Variants in SPHKAP observed in about 807,000 individuals in gnomAD.
SPHKAP encodes SPHK1 interactor, AKAP domain containing, also known as A-kinase anchor protein SPHKAP.
SPHKAP carries 67 observed loss-of-function variants against 137.5 expected under a neutral mutation model. The ratio of observed to expected loss-of-function variants is 0.49; its 90% CI spans 0.40 to 0.60. The LOEUF (loss-of-function observed/expected upper bound fraction) is 0.60. SPHKAP is among the 20% of genes least tolerant of loss of function. The pLI, the probability that SPHKAP is intolerant of heterozygous loss-of-function variation, is 0.00. For synonymous variants in SPHKAP, 813 were observed against 785.3 expected, an observed-to-expected ratio of 1.04 and a Z score of -0.59; for missense variants, 2,097 against 2,069.3, an observed-to-expected ratio of 1.01 and a Z score of -0.26.
chr2:228,170,749 T>C (rs1035722292), intron 1 of SPHKAP, among the ~76,000 whole-genome samples: 3 of 152,070 alleles, frequency 2.0e-5, no homozygotes, highest in Admixed American at 6.6e-5. Flanking sequence ...ACCAAAAAAA[T>C]TTTGTGCCTT....
At position 228,011,099 on chromosome 2, in the gene SPHKAP, C is replaced by G. The variant is rs1314892819; in HGVS notation, c.4448+5307G>C. 2.0e-5 allele frequency among the ~76,000 whole-genome samples: 3 copies of G among 152,220 alleles called. No individual in the cohort carries two copies. In the East Asian group the frequency reaches 5.8e-4, roughly 29 times the overall value. On this transcript the variant is annotated intron_variant, in intron 7 of 11. Transcript: ENST00000392056. The stretch of plus-strand genomic sequence containing the variant: ...AGATTGCTTTAAGGTAACTTACCAG[C>G]TTGGGATTTCCTGGACCACAAGTAT...
intron 7 of SPHKAP, among the ~76,000 whole-genome samples, chr2:228,001,608 T>G (rs1045128765): frequency 6.7e-6 from 1 of 150,180 alleles, no homozygotes; most frequent in Non-Finnish European, 1.5e-5. Context: ...CTAGGGTACA[T>G]GTGCACAATG....
chr2:228,174,098 T>C (rs1574919967), intron 1 of SPHKAP, among the ~76,000 whole-genome samples: 1 of 152,194 alleles, frequency 6.6e-6, no homozygotes, highest in East Asian at 1.9e-4. Flanking sequence ...ACAAACTTTC[T>C]AATTCACATG....
chr2:228,138,246 T>C (rs1394428955), intron 1 of SPHKAP, among the ~76,000 whole-genome samples: 1 of 152,180 alleles, frequency 6.6e-6, no homozygotes, highest in African/African-American at 2.4e-5. Flanking sequence ...TCTTAGTAAT[T>C]TTCTGTTCAC....
chr2:228,149,481 G>A (rs13408691), intron 1 of SPHKAP, among the ~76,000 whole-genome samples: 1 of 152,234 alleles, frequency 6.6e-6, no homozygotes, highest in East Asian at 1.9e-4. Flanking sequence ...GAATGAGAAT[G>A]CTGGAGAAGA....
At chr2:228,137,941 C>T (rs6734954) in intron 1 of SPHKAP, among the ~76,000 whole-genome samples, 1,626 of 152,262 alleles carry the variant, frequency 0.011, 25 homozygotes, top group African/African-American at 0.037. Flanking sequence ...TTAAACATCA[C>T]GTGAGATGTT....
Position 228,019,536 on chromosome 2 carries a change from C to T in SPHKAP, c.1318G>A (p.Val440Ile). 6.2e-7 allele frequency: 1 copy of T among 1,614,176 alleles called. No homozygotes were observed. The highest frequency in any genetic ancestry group is 1.1e-5 in the South Asian group (1 of 91,078). ...GGGAGCTCATTCCATGACCGAGAAA[C>T]CACTGTATCTTTTGTGGAATAGCAA... ...PSCYSTKDTV[V>I]SRSWNELPKI... The change falls in exon 7 of 12, where the codon GTT (valine) becomes ATT (isoleucine). Residue 440 changes from valine (V) to isoleucine (I), a missense_variant. Val to Ile is a conservative substitution (Grantham distance 29). Transcript: ENST00000392056.
chr2:228,171,111 G>A (rs1017173534), intron 1 of SPHKAP, among the ~76,000 whole-genome samples: 5 of 152,090 alleles, frequency 3.3e-5, no homozygotes, highest in African/African-American at 9.7e-5. Context: ...AGTAAAGAAG[G>A]TATTTAGACG....
chr2:227,991,897 T>A (rs930449206), intron 9 of SPHKAP: 8 of 226,692 alleles, frequency 3.5e-5, no homozygotes, highest in South Asian at 1.6e-4. Context: ...ACAATTAAAG[T>A]TTTTCTTTTT....
At chr2:228,159,177 T>C (rs1700199967) in intron 1 of SPHKAP, among the ~76,000 whole-genome samples, 1 of 152,076 alleles carries the variant, frequency 6.6e-6, no homozygotes, top group South Asian at 2.1e-4. Context: ...CTAAATATGG[T>C]GTGAAGGCAA....
At chr2:228,063,479 G>A (rs1362690623) in intron 3 of SPHKAP, among the ~76,000 whole-genome samples, 2 of 152,178 alleles carry the variant, frequency 1.3e-5, no homozygotes, top group Non-Finnish European at 2.9e-5. Context: ...AAACTATAGA[G>A]TGGCTACATT....
chr2:228,143,202 CA>C (rs1265525903), intron 1 of SPHKAP, among the ~76,000 whole-genome samples: 2 of 152,030 alleles, frequency 1.3e-5, no homozygotes, highest in Non-Finnish European at 2.9e-5. Flanking sequence ...CAGTTGGGTG[CA>C]AAATATTACA....
intron 3 of SPHKAP, among the ~76,000 whole-genome samples, chr2:228,077,440 A>G (rs887038881): frequency 2.6e-5 from 4 of 152,222 alleles, no homozygotes; most frequent in Non-Finnish European, 5.9e-5. Flanking sequence ...AGACCATAGG[A>G]ACCCACCTCT....
intron 7 of SPHKAP, among the ~76,000 whole-genome samples, chr2:228,000,208 G>A (rs1175146635): frequency 3.3e-5 from 5 of 152,212 alleles, no homozygotes; most frequent in South Asian, 2.1e-4. Context: ...GGCCAGGAGC[G>A]GTGGCTCACG....
At chr2:228,101,829 C>A (rs753821123) in intron 3 of SPHKAP, among the ~76,000 whole-genome samples, 1 of 152,184 alleles carries the variant, frequency 6.6e-6, no homozygotes, top group African/African-American at 2.4e-5. Flanking sequence ...AGTCTGCATG[C>A]AACTGTGGTC....
At chr2:228,142,488 G>A (rs768164299) in intron 1 of SPHKAP, among the ~76,000 whole-genome samples, 79 of 151,390 alleles carry the variant, frequency 5.2e-4, no homozygotes, top group Admixed American at 2.0e-3. Flanking sequence ...AAAAAAAGAA[G>A]GATTATATGT....
intron 1 of SPHKAP, among the ~76,000 whole-genome samples, chr2:228,168,410 C>T (rs912295186): frequency 1.3e-5 from 2 of 152,020 alleles, no homozygotes; most frequent in African/African-American, 4.8e-5. Context: ...ACATGTGTTC[C>T]CTTAATGTCT....
At chr2:228,099,845 A>AT (rs767838968) in intron 3 of SPHKAP, among the ~76,000 whole-genome samples, 84 of 63,522 alleles carry the variant, frequency 1.3e-3, no homozygotes, top group African/African-American at 2.2e-3. Flanking sequence ...AATGCTACTG[A>AT]TTTTTTTTTG....
chr2:228,163,071 A>G (rs762768661), intron 1 of SPHKAP, among the ~76,000 whole-genome samples: 1 of 152,230 alleles, frequency 6.6e-6, no homozygotes, highest in Non-Finnish European at 1.5e-5. Context: ...ACAGCCACAG[A>G]AACAGAATTA....
Sources: gnomAD v4.1 joint callset for allele counts (sites outside exome capture counted in the v4.1 genomes callset) on GRCh38, gnomAD v4.1.1 for gene constraint, MANE v1.5 for transcripts, NCBI Gene and HGNC (gene_info 2026-07-23, HGNC 2026-07-21) for gene names.